Variants in PSMC1 observed in about 807,000 individuals in gnomAD.
The protein encoded by PSMC1 is proteasome 26S subunit, ATPase 1, also known as 26S proteasome regulatory subunit 4.
A neutral mutation model predicts 49.8 loss-of-function variants in PSMC1; 5 were observed. That is an observed-to-expected ratio of 0.10 (90% CI 0.05 to 0.21). The LOEUF (loss-of-function observed/expected upper bound fraction) is 0.21. Among genes scored for constraint, PSMC1 ranks in the 10% least tolerant of loss-of-function variants. The probability of loss-of-function intolerance (pLI) is 1.00; values close to 1 mark genes in which losing one functional copy is unlikely to be tolerated. For synonymous variants in PSMC1, 155 were observed against 192.1 expected (o/e 0.81, Z 1.60); for missense variants, 181 against 535.7 (o/e 0.34, Z 6.54).
intron 10 of PSMC1, chr14:90,271,892 A>AT (rs58641715): frequency 0.012 from 1,727 of 140,134 alleles, 33 homozygotes; most frequent in African/African-American, 0.039. Flanking sequence ...TTCAGAACAG[A>AT]TTTTTTTTTT....
rs1213427289 is a variant in PSMC1, at chr14:90,274,829, CACA to C, written c.*2423_*2425del. ...ACACACACACACACACACACACACA[CACA>C]CACACACCCCAATACATATGAATTG... On this transcript the variant is annotated 3_prime_UTR_variant, in exon 11 of 11. Coordinates refer to ENST00000261303, the MANE Select transcript of PSMC1 (RefSeq NM_002802.3). 1.1e-4 allele frequency: 11 copies of C among 99,866 alleles called. No individual in the cohort carries two copies. Among genetic ancestry groups the C allele is most frequent in the Admixed American group, 5.1e-4 (5 of 9,880 alleles). The allele number at this position is 99,866 out of a possible 1,614,324, so 6.2% of individuals were successfully genotyped here. A position where few individuals can be genotyped will look rare whatever the true frequency, so the allele number is the denominator to read the frequency against.
chr14:90,270,024 T>C (rs557045824), intron 9 of PSMC1, 174 bp from the exon 10 acceptor site: 5 of 642,180 alleles, frequency 7.8e-6, no homozygotes, highest in South Asian at 2.6e-5. Context: ...AATTCAAATG[T>C]AGAAATCTAC....
chr14:90,268,482 A>C (rs11624246), intron 8 of PSMC1, 69 bp downstream of exon 8: 2 of 1,476,672 alleles, frequency 1.4e-6, no homozygotes, highest in African/African-American at 2.8e-5. Flanking sequence ...CTTGAGAATG[A>C]GCAATCTCAG....
Position 90,275,322 on chromosome 14 carries a change from G to A in PSMC1, c.*2915G>A, listed in dbSNP as rs770997594. On this transcript the variant is annotated 3_prime_UTR_variant, in exon 11 of 11. Transcript: ENST00000261303. ...CCTGTTCAGTGTCTGTATCGTGGGC[G>A]GGTAGCAGACTCTCAGCAACTGACT... 17 of 152,114 alleles carry A rather than the reference G, an allele frequency of 1.1e-4. No homozygotes were observed. The highest frequency in any genetic ancestry group is 5.8e-4 in the East Asian group (3 of 5,196). The allele number at this position is 152,114 out of a possible 1,614,324, so 9.4% of individuals were successfully genotyped here.
chr14:90,266,460 G>T (rs1891516882), intron 7 of PSMC1, among the ~76,000 whole-genome samples: 1 of 152,216 alleles, frequency 6.6e-6, no homozygotes, highest in Non-Finnish European at 1.5e-5. Context: ...AGAGCTAGAA[G>T]AGATCCCTCT....
intron 3 of PSMC1, among the ~76,000 whole-genome samples, chr14:90,261,446 A>G (rs1476264853): frequency 6.6e-6 from 1 of 152,232 alleles, no homozygotes; most frequent in Non-Finnish European, 1.5e-5. Flanking sequence ...AGAGGCCACC[A>G]GAACAGAGTA....
At chr14:90,264,248 G>C (rs1171503212) in intron 6 of PSMC1, 79 bp downstream of exon 6, 12 of 1,567,594 alleles carry the variant, frequency 7.7e-6, no homozygotes, top group African/African-American at 2.8e-5. Context: ...CAGGTGTTTT[G>C]TATGTTTGCT....
At position 90,274,658 on chromosome 14, in the gene PSMC1, T is replaced by A. The variant is rs1227070001; in HGVS notation, c.*2251T>A. The A allele has an allele frequency of 6.6e-6, 1 of 152,100 alleles. No individual in the cohort carries two copies. The highest frequency in any genetic ancestry group is 2.4e-5 in the African/African-American group (1 of 41,366). The allele number at this position is 152,100 out of a possible 1,614,324, so 9.4% of individuals were successfully genotyped here. A position where few individuals can be genotyped will look rare whatever the true frequency, so the allele number is the denominator to read the frequency against. ...AAGCAAGGGAGTGCTCAAGGAATGA[T>A]AAGGACATGTCCTAAGGACACCGAA... is the stretch of plus-strand genomic sequence containing the variant. On this transcript the variant is annotated 3_prime_UTR_variant, in exon 11 of 11. Transcript: ENST00000261303.
In PSMC1 at chr14:90,259,292, G is replaced by T. The variant is rs557447488; in HGVS notation, c.57+79G>T. On this transcript the variant is annotated intron_variant, in intron 2 of 10. Transcript: ENST00000261303. The stretch of plus-strand genomic sequence containing the variant: ...GGTCTCGGCTGAGAAGTTCTGTGGG[G>T]ATTCATGAATTTTAAAAAGTAGAAT... The T allele has an allele frequency of 4.7e-5, 64 of 1,365,882 alleles. No individual in the cohort carries two copies. In the African/African-American group the frequency reaches 8.7e-4, roughly 18 times the overall value. 84.6% of individuals were successfully genotyped at this position (1,365,882 alleles called of 1,614,324 possible). A position where few individuals can be genotyped will look rare whatever the true frequency, so the allele number is the denominator to read the frequency against.
intron 3 of PSMC1, among the ~76,000 whole-genome samples, chr14:90,260,810 C>T (rs11621820): frequency 0.55 from 83,895 of 152,092 alleles, 23,811 homozygotes; most frequent in Middle Eastern, 0.72. Context: ...AGTTTTAACT[C>T]GAACCCAGGA....
intron 3 of PSMC1, among the ~76,000 whole-genome samples, chr14:90,260,678 G>A (rs1026778837): frequency 2.0e-5 from 3 of 152,192 alleles, no homozygotes; most frequent in African/African-American, 7.2e-5. Flanking sequence ...CTTGCAGTGA[G>A]CTGAGATTGC....
chr14:90,260,896 A>G (rs1161060461), intron 3 of PSMC1, among the ~76,000 whole-genome samples: 1 of 152,228 alleles, frequency 6.6e-6, no homozygotes, highest in African/African-American at 2.4e-5. Context: ...TCTCAAAATA[A>G]ATAAATAAAA....
intron 7 of PSMC1, among the ~76,000 whole-genome samples, chr14:90,267,224 G>C (rs1019914061): frequency 6.6e-6 from 1 of 151,852 alleles, no homozygotes; most frequent in African/African-American, 2.4e-5. Flanking sequence ...CCGCCTCCCG[G>C]GTTCAAGCGA....
At position 90,264,008 on chromosome 14, in the gene PSMC1, G is replaced by A. The variant is rs13379389; in HGVS notation, c.466-33G>A. 8,749 of 1,593,026 alleles carry A rather than the reference G, an allele frequency of 5.5e-3. 397 individuals carry two copies. The African/African-American group carries it at 0.1, about 19-fold the overall frequency. On this transcript the variant is annotated intron_variant, in intron 5 of 10. Coordinates refer to ENST00000261303, the MANE Select transcript of PSMC1 (RefSeq NM_002802.3). ...TGTAAACAGATCCAGCAAACCTCAC[G>A]TTCCTGTGTTAAACCTTGATGTTTC...
At position 90,273,793 on chromosome 14, in the gene PSMC1, GCCAGTCTGTGAAGGCCA is replaced by G. The variant is rs1335729265; in HGVS notation, c.*1389_*1405del. The G allele has an allele frequency of 6.5e-6, 1 of 154,624 alleles. No individual in the cohort carries two copies. The highest frequency in any genetic ancestry group is 6.5e-5 in the Admixed American group (1 of 15,276). The allele number at this position is 154,624 out of a possible 1,614,324, so 9.6% of individuals were successfully genotyped here. A position where few individuals can be genotyped will look rare whatever the true frequency, so the allele number is the denominator to read the frequency against. The stretch of plus-strand genomic sequence containing the variant: ...TTGCTGGCTGCCAGCTGAGGCCTTT[GCCAGTCTGTGAAGGCCA>G]CCCTCCCTCCTGACTCGTGGCACTT... On this transcript the variant is annotated 3_prime_UTR_variant, in exon 11 of 11. Transcript: ENST00000261303.
chr14:90,272,134 T>C lies in PSMC1; in HGVS notation c.1189-139T>C, dbSNP rs1303256419. On this transcript the variant is annotated intron_variant, in intron 10 of 10. Coordinates refer to ENST00000261303, the MANE Select transcript of PSMC1 (RefSeq NM_002802.3). The surrounding 1 kb of genome is among the most constrained non-coding windows in gnomAD (Gnocchi z 4.5). ...GTCTTGAACTCCTGACCTTAGGCGA[T>C]CCACCTGCCTCGGCCTCCCAGAGTG... is the stretch of plus-strand genomic sequence containing the variant. 5 of 833,058 alleles carry C rather than the reference T, an allele frequency of 6.0e-6. No individual in the cohort carries two copies. The highest frequency in any genetic ancestry group is 9.2e-6 in the Non-Finnish European group (5 of 545,944). The allele number at this position is 833,058 out of a possible 1,614,324, so 51.6% of individuals were successfully genotyped here.
chr14:90,265,307 G>T, intron 7 of PSMC1, 141 bp downstream of exon 7: 4 of 483,408 alleles, frequency 8.3e-6, no homozygotes, highest in Non-Finnish European at 1.1e-5. Flanking sequence ...TTGTCTGCAT[G>T]TTGGAATCAC....
At chr14:90,262,015 T>G (rs1418002628) in intron 3 of PSMC1, among the ~76,000 whole-genome samples, 1 of 151,914 alleles carries the variant, frequency 6.6e-6, no homozygotes, top group African/African-American at 2.4e-5. Flanking sequence ...TGGATGAAGC[T>G]GGAAACCATC....
intron 1 of PSMC1, among the ~76,000 whole-genome samples, chr14:90,258,195 C>G (rs1891332221): frequency 6.6e-6 from 1 of 152,152 alleles, no homozygotes. Flanking sequence ...CCTTGGTCTT[C>G]TTATCTGCAA....
Sources: gnomAD v4.1 joint callset for allele counts (sites outside exome capture counted in the v4.1 genomes callset) on GRCh38, gnomAD v4.1.1 for gene constraint, Gnocchi (gnomAD v3.1) non-coding constraint, MANE v1.5 for transcripts, NCBI Gene and HGNC (gene_info 2026-07-23, HGNC 2026-07-21) for gene names.